Variants in IL18RAP observed in about 807,000 individuals in gnomAD.
The protein encoded by IL18RAP is interleukin 18 receptor accessory protein.
A neutral mutation model predicts 58.1 loss-of-function variants in IL18RAP; 37 were observed. That is an observed-to-expected ratio of 0.64 (90% confidence interval 0.49 to 0.84). The LOEUF is 0.84. Among genes scored for constraint, IL18RAP ranks in the 40% least tolerant of loss-of-function variants. IL18RAP has a pLI of 0.00. For synonymous variants in IL18RAP, 268 were observed against 257.5 expected (o/e 1.04, Z -0.39); for missense variants, 667 against 704.8 (o/e 0.95, Z 0.61).
chr2:102,419,851 G>C (rs1207647407), upstream of IL18RAP: 1 of 152,310 alleles, frequency 6.6e-6, no homozygotes, highest in Non-Finnish European at 1.5e-5. Flanking sequence ...TGTGAGCCTT[G>C]GTTGTCCATC....
At chr2:102,437,626 A>G (rs1313541630) in intron 4 of IL18RAP, among the ~76,000 whole-genome samples, 1 of 152,212 alleles carries the variant, frequency 6.6e-6, no homozygotes, top group Non-Finnish European at 1.5e-5. Flanking sequence ...AAAATGTATG[A>G]AACATTTCAC....
At position 102,427,333 on chromosome 2, in the gene IL18RAP, G is replaced by A. The variant is rs184867020; in HGVS notation, c.579+2919G>A. On this transcript the variant is annotated intron_variant, in intron 3 of 9. Coordinates refer to ENST00000687160, the MANE Select transcript of IL18RAP (RefSeq NM_001393487.1). ...AGTTTTTCTGATGAGACTTCATAGAGTTTCTCTTAATGGCTGTACTAATTT... is the reference window on the plus strand; with the variant it reads ...AGTTTTTCTGATGAGACTTCATAGAATTTCTCTTAATGGCTGTACTAATTT... Among the ~76,000 whole-genome samples, 163 of 152,180 alleles carry A rather than the reference G, an allele frequency of 1.1e-3. 2 individuals carry two copies. In the Middle Eastern group the frequency reaches 0.02, roughly 19 times the overall value.
chr2:102,426,554 A>G (rs879388988), intron 3 of IL18RAP, among the ~76,000 whole-genome samples: 1 of 152,156 alleles, frequency 6.6e-6, no homozygotes. Flanking sequence ...AAAGATGCCA[A>G]GAACTCACAA....
chr2:102,434,618 A>G (rs1682611463), intron 3 of IL18RAP: 1 of 152,196 alleles, frequency 6.6e-6, no homozygotes, highest in Non-Finnish European at 1.5e-5. Flanking sequence ...CTAGTTACAT[A>G]TGATCCATTC....
At chr2:102,446,180 G>A (rs62155019) in intron 7 of IL18RAP, among the ~76,000 whole-genome samples, 5 of 152,136 alleles carry the variant, frequency 3.3e-5, no homozygotes, top group Admixed American at 6.5e-5. Context: ...ACGTTTACGA[G>A]GGGAAAAAAT....
intron 3 of IL18RAP, among the ~76,000 whole-genome samples, chr2:102,427,915 TAG>T (rs754477569): frequency 1.6e-4 from 24 of 151,950 alleles, no homozygotes; most frequent in Non-Finnish European, 2.8e-4. Flanking sequence ...TCCCTGTAGA[TAG>T]CCGGTTTTCC....
chr2:102,420,938 T>C (rs1463185155), upstream of IL18RAP, among the ~76,000 whole-genome samples: 1 of 152,208 alleles, frequency 6.6e-6, no homozygotes, highest in East Asian at 1.9e-4. Flanking sequence ...TAATTGTTCA[T>C]TTGGCACTCT....
chr2:102,420,178 C>T (rs1275684964), upstream of IL18RAP, among the ~76,000 whole-genome samples: 1 of 152,172 alleles, frequency 6.6e-6, no homozygotes, highest in African/African-American at 2.4e-5. Context: ...GGTCAGTTGC[C>T]TACAATGCTG....
At position 102,437,307 on chromosome 2, in the gene IL18RAP, G is replaced by T; in HGVS notation, c.675G>T (p.Gln225His). 6.2e-7 allele frequency: 1 copy of T among 1,613,730 alleles called. No individual in the cohort carries two copies. Among genetic ancestry groups the T allele is most frequent in the Non-Finnish European group, 8.5e-7 (1 of 1,179,766 alleles). Residue 225 changes from glutamine to histidine, a missense_variant, in exon 4 of 10, where the codon CAG becomes CAT. Gln to His is a conservative substitution (Grantham distance 24). Coordinates refer to ENST00000687160, the MANE Select transcript of IL18RAP (RefSeq NM_001393487.1). ...HQGTYVCDYT[Q>H]SDTVSSWTVR... ...GCACATATGTATGTGATTACACTCA[G>T]TCGGATACTGTGAGTTCGTGGACAG...
intron 3 of IL18RAP, among the ~76,000 whole-genome samples, chr2:102,435,550 T>C (rs1466896324): frequency 6.6e-6 from 1 of 152,126 alleles, no homozygotes; most frequent in Non-Finnish European, 1.5e-5. Flanking sequence ...AAACCTGAAA[T>C]GCACCAGGGA....
chr2:102,446,538 T>C (rs1390345395), intron 7 of IL18RAP, among the ~76,000 whole-genome samples: 2 of 152,178 alleles, frequency 1.3e-5, no homozygotes, highest in African/African-American at 4.8e-5. Context: ...CATTTATAAG[T>C]GAAAACACAC....
Position 102,423,794 on chromosome 2 carries a change from T to G in IL18RAP, c.71-17T>G. 1 of 1,463,220 alleles carries G rather than the reference T, an allele frequency of 6.8e-7. No homozygotes were observed. Among genetic ancestry groups the G allele is most frequent in the Non-Finnish European group, 9.5e-7 (1 of 1,049,020 alleles). The allele number at this position is 1,463,220 out of a possible 1,614,324, so 90.6% of individuals were successfully genotyped here. ...TTCTAATGTGTTTCCATGTGCTTTG[T>G]TTATTATGATTTTCAGGTTGTTCCA... On this transcript the variant is annotated splice_polypyrimidine_tract_variant and intron_variant, in intron 1 of 9. Transcript: ENST00000687160.
chr2:102,423,192 C>A lies in IL18RAP; in HGVS notation c.-86C>A. On this transcript the variant is annotated 5_prime_UTR_variant, in exon 1 of 10. Coordinates refer to ENST00000687160, the MANE Select transcript of IL18RAP (RefSeq NM_001393487.1). Reference sequence around the variant, plus strand: ...TTGATTTACAGAAATGAAGGGGATACTCAGGGCAGAGTTCTGAATCTCAAA... The same window carrying A: ...TTGATTTACAGAAATGAAGGGGATAATCAGGGCAGAGTTCTGAATCTCAAA... 1 of 1,215,744 alleles carries A rather than the reference C, an allele frequency of 8.2e-7. No homozygotes were observed. Among genetic ancestry groups the A allele is most frequent in the African/African-American group, 1.5e-5 (1 of 66,600 alleles). 75.3% of individuals were successfully genotyped at this position (1,215,744 alleles called of 1,614,324 possible).
At chr2:102,436,698 C>G (rs144943089) in intron 3 of IL18RAP, among the ~76,000 whole-genome samples, 99 of 152,180 alleles carry the variant, frequency 6.5e-4, no homozygotes, top group African/African-American at 2.3e-3. Context: ...AAGCCACTCA[C>G]GTTCCAGAAC....
upstream of IL18RAP, among the ~76,000 whole-genome samples, chr2:102,421,002 C>T (rs1286189218): frequency 1.3e-5 from 2 of 152,108 alleles, no homozygotes; most frequent in African/African-American, 4.8e-5. Flanking sequence ...TTCAGGAGCT[C>T]CCAATCTAGT....
chr2:102,423,511 G>A (rs537287303), intron 1 of IL18RAP, among the ~76,000 whole-genome samples, 164 bp downstream of exon 1: 1 of 152,296 alleles, frequency 6.6e-6, no homozygotes, highest in Non-Finnish European at 1.5e-5. Context: ...GCTTTCAGCT[G>A]ATACCAAGCA....
At chr2:102,447,578 G>A (rs1364783969) in intron 8 of IL18RAP, among the ~76,000 whole-genome samples, 1 of 152,008 alleles carries the variant, frequency 6.6e-6, no homozygotes, top group Non-Finnish European at 1.5e-5. Context: ...AAGCAATAGG[G>A]CAAATGAGTG....
intron 3 of IL18RAP, among the ~76,000 whole-genome samples, chr2:102,428,233 A>T (rs1248799889): frequency 3.3e-5 from 5 of 151,648 alleles, no homozygotes; most frequent in African/African-American, 9.7e-5. Flanking sequence ...GTATTTCTGT[A>T]AAAAACAACG....
At chr2:102,448,549 G>T (rs561010224) in intron 8 of IL18RAP, among the ~76,000 whole-genome samples, 2 of 152,234 alleles carry the variant, frequency 1.3e-5, no homozygotes, top group South Asian at 4.1e-4. Context: ...CCTTTTGCAG[G>T]ATTTCACGGA....
Sources: allele counts gnomAD v4.1 joint callset (sites outside exome capture counted in the v4.1 genomes callset), GRCh38; gene constraint gnomAD v4.1.1; transcripts MANE v1.5; gene names NCBI Gene and HGNC (gene_info 2026-07-23, HGNC 2026-07-21).